UGGT1: variants seen among roughly 807,000 people sequenced by gnomAD.
The protein encoded by UGGT1 is UDP-glucose:glycoprotein glucosyltransferase 1.
UGGT1 carries 107 observed loss-of-function variants against 203.9 expected under a neutral mutation model. That is an observed-to-expected ratio of 0.52 (90% CI 0.45 to 0.62). The LOEUF is 0.62. UGGT1 is among the 20% of genes least tolerant of loss of function. The pLI is 0.00. For synonymous variants in UGGT1, 628 were observed against 653.5 expected (o/e 0.96, Z 0.59); for missense variants, 1,673 against 1,867.2 (o/e 0.90, Z 1.92).
rs1252963017 is a variant in UGGT1 at position 128,176,548 on chromosome 2, C to T, written c.3540-266C>T. On this transcript the variant is annotated intron_variant, in intron 31 of 40. Transcript: ENST00000259253. ...AACACAGGCGGTTGTTTAGTACTCA[C>T]CATGTGGTTACCACACATGGGTGCC... Among the ~76,000 whole-genome samples the T allele has an allele frequency of 2.6e-5, 4 of 152,256 alleles. No individual in the cohort carries two copies. The South Asian group carries it at 6.2e-4, about 24-fold the overall frequency.
At chr2:128,110,298 C>G (rs1687787326) in intron 5 of UGGT1, among the ~76,000 whole-genome samples, 2 of 152,164 alleles carry the variant, frequency 1.3e-5, no homozygotes, top group South Asian at 4.1e-4. Context: ...TGTACCTCCT[C>G]TAATGCTGTT....
chr2:128,137,228 C>G (rs1180066511), intron 15 of UGGT1, among the ~76,000 whole-genome samples: 1 of 152,136 alleles, frequency 6.6e-6, no homozygotes, highest in Non-Finnish European at 1.5e-5. Context: ...TCACCATGGG[C>G]AACATGAGAA....
At chr2:128,163,692 C>A (rs1239857632) in intron 25 of UGGT1, among the ~76,000 whole-genome samples, 1 of 147,492 alleles carries the variant, frequency 6.8e-6, no homozygotes, top group Non-Finnish European at 1.5e-5. Flanking sequence ...CCAGCCTGGG[C>A]GATAGAGTGA....
At chr2:128,174,881 C>T in intron 31 of UGGT1, 23 bp downstream of exon 31, 2 of 1,595,790 alleles carry the variant, frequency 1.3e-6, no homozygotes, top group Non-Finnish European at 8.6e-7. Flanking sequence ...GATGCAGTTA[C>T]ATTATCCCAG....
At chr2:128,187,412 T>C (rs775139946) in intron 39 of UGGT1, 37 bp from the exon 40 acceptor site, 1 of 1,595,310 alleles carries the variant, frequency 6.3e-7, no homozygotes, top group Non-Finnish European at 8.6e-7. Context: ...GTGGCCTTTC[T>C]TCAACTCAGC....
intron 4 of UGGT1, 134 bp from the exon 5 acceptor site, chr2:128,109,500 G>C (rs1360756179): frequency 5.7e-6 from 4 of 704,820 alleles, no homozygotes; most frequent in African/African-American, 1.8e-5. Flanking sequence ...GGGATTACAG[G>C]CACGAGCTAC....
chr2:128,145,763 A>T, intron 17 of UGGT1, 40 bp from the exon 18 acceptor site: 3 of 1,489,590 alleles, frequency 2.0e-6, no homozygotes, highest in Non-Finnish European at 2.7e-6. Context: ...GTCTCACAAA[A>T]GGCAAAAATA....
chr2:128,094,811 C>T (rs976305974), intron 1 of UGGT1, among the ~76,000 whole-genome samples: 4 of 137,362 alleles, frequency 2.9e-5, no homozygotes, highest in Non-Finnish European at 4.5e-5. Context: ...TGCAGTGGTG[C>T]GATCTCGACT....
chr2:128,120,033 T>G (rs1308058557), intron 8 of UGGT1, among the ~76,000 whole-genome samples: 1 of 152,016 alleles, frequency 6.6e-6, no homozygotes, highest in Non-Finnish European at 1.5e-5. Flanking sequence ...TGCCTTGGCC[T>G]CCTCAGTGGC....
At chr2:128,115,498 A>C (rs920842418) in intron 7 of UGGT1, among the ~76,000 whole-genome samples, 16 of 151,544 alleles carry the variant, frequency 1.1e-4, no homozygotes, top group African/African-American at 3.1e-4. Context: ...AAAAAAAAAA[A>C]AAAAAAACAA....
Position 128,173,912 on chromosome 2 carries a change from T to C in UGGT1, c.3426T>C (p.Ile1142=). 1.2e-6 allele frequency: 2 copies of C among 1,614,182 alleles called. No homozygotes were observed. The highest frequency in any genetic ancestry group is 1.7e-6 in the Non-Finnish European group (2 of 1,180,022). The change falls in exon 30 of 41, where the codon ATT becomes ATC. Residue 1142 remains isoleucine, a synonymous_variant. Transcript: ENST00000259253. The part of the protein sequence containing the change: ...FTLGTSANPV[I]VDTIVMANLG... ...TAGGAACTTCAGCCAACCCGGTCAT[T>C]GTGGACACCATTGTTATGGCCAATC...
At chr2:128,129,587 C>T (rs562036192) in intron 13 of UGGT1, among the ~76,000 whole-genome samples, 7 of 151,936 alleles carry the variant, frequency 4.6e-5, no homozygotes, top group East Asian at 1.9e-4. Context: ...TTAGTATAGA[C>T]GGGGTTTCAC....
intron 18 of UGGT1, among the ~76,000 whole-genome samples, chr2:128,147,431 A>T (rs1394574470): frequency 6.6e-6 from 1 of 152,172 alleles, no homozygotes; most frequent in Non-Finnish European, 1.5e-5. Context: ...TCTTGAATAT[A>T]TTTGAAATCA....
chr2:128,154,348 C>G (rs1690125548), intron 19 of UGGT1, among the ~76,000 whole-genome samples: 1 of 152,106 alleles, frequency 6.6e-6, no homozygotes, highest in South Asian at 2.1e-4. Context: ...TTTGAATTTC[C>G]TTTTCCATTG....
At chr2:128,163,398 T>C (rs1690625734) in intron 25 of UGGT1, among the ~76,000 whole-genome samples, 1 of 149,976 alleles carries the variant, frequency 6.7e-6, no homozygotes, top group South Asian at 2.1e-4. Context: ...TTTTCAGGTT[T>C]AGTTCAAGAT....
intron 19 of UGGT1, 42 bp downstream of exon 19, chr2:128,152,946 T>G: frequency 6.2e-7 from 1 of 1,606,146 alleles, no homozygotes; most frequent in Non-Finnish European, 8.5e-7. Context: ...TTTTTTGACT[T>G]GTGCTTCAGA....
At chr2:128,157,637 G>A (rs996386864) in intron 22 of UGGT1, among the ~76,000 whole-genome samples, 1 of 152,226 alleles carries the variant, frequency 6.6e-6, no homozygotes, top group African/African-American at 2.4e-5. Flanking sequence ...TCTTGGAGCA[G>A]AGTTGCTCCA....
In UGGT1 at chr2:128,194,786, T is replaced by A. The variant is rs1351863953; in HGVS notation, c.*5044T>A. On this transcript the variant is annotated 3_prime_UTR_variant, in exon 41 of 41. Coordinates refer to ENST00000259253, the MANE Select transcript of UGGT1 (RefSeq NM_020120.4). ...TTGAATTCAAGCAAATGAGACATCA[T>A]GAACTTCAGTGGTTATTGATATTTC... 6.6e-6 allele frequency: 1 copy of A among 152,182 alleles called. No individual in the cohort carries two copies. The highest frequency in any genetic ancestry group is 1.5e-5 in the Non-Finnish European group (1 of 68,036). 9.4% of individuals were successfully genotyped at this position (152,182 alleles called of 1,614,324 possible).
chr2:128,131,214 C>G (rs1222609960), intron 13 of UGGT1, among the ~76,000 whole-genome samples: 1 of 112,762 alleles, frequency 8.9e-6, no homozygotes, highest in African/African-American at 3.6e-5. Context: ...GCCTGGGCGA[C>G]AGAGTGAGAC....
Sources: gnomAD v4.1 joint callset for allele counts (sites outside exome capture counted in the v4.1 genomes callset) on GRCh38, gnomAD v4.1.1 for gene constraint, MANE v1.5 for transcripts, NCBI Gene and HGNC (gene_info 2026-07-23, HGNC 2026-07-21) for gene names.